ANKS1B: variants seen among roughly 807,000 people sequenced by gnomAD.
The protein encoded by ANKS1B is ankyrin repeat and sterile alpha motif domain containing 1B.
In ANKS1B, 36 loss-of-function variants were observed where a neutral mutation model predicts 148.3. The observed-to-expected ratio is 0.24, with a 90% CI of 0.19 to 0.32. The LOEUF (loss-of-function observed/expected upper bound fraction) is 0.32. Among genes scored for constraint, ANKS1B ranks in the 10% least tolerant of loss-of-function variants. The probability of loss-of-function intolerance (pLI) is 1.00; values close to 1 mark genes in which losing one functional copy is unlikely to be tolerated. For missense variants in ANKS1B, 1,157 were observed against 1,542.6 expected, an observed-to-expected ratio of 0.75 and a Z score of 4.19; for synonymous variants, 542 against 560.8, an observed-to-expected ratio of 0.97 and a Z score of 0.47.
intron 15 of ANKS1B, among the ~76,000 whole-genome samples, chr12:99,140,163 T>C (rs2070125261): frequency 6.6e-6 from 1 of 152,170 alleles, no homozygotes; most frequent in Non-Finnish European, 1.5e-5. Flanking sequence ...GGGAAAGTGC[T>C]AAGTGCAATC....
chr12:99,529,193 CA>C (rs1035762577), intron 9 of ANKS1B, among the ~76,000 whole-genome samples: 5 of 151,850 alleles, frequency 3.3e-5, no homozygotes, highest in African/African-American at 1.2e-4. Flanking sequence ...TACAAATCCT[CA>C]AAAAAAGACC....
intron 1 of ANKS1B, among the ~76,000 whole-genome samples, chr12:99,859,425 T>A (rs149880399): frequency 1.6e-3 from 246 of 152,302 alleles, no homozygotes; most frequent in African/African-American, 5.5e-3. Flanking sequence ...GACATATAAT[T>A]CTTTGAGGTA....
At chr12:99,553,919 C>T (rs532566543) in intron 9 of ANKS1B, among the ~76,000 whole-genome samples, 1 of 152,098 alleles carries the variant, frequency 6.6e-6, no homozygotes, top group Non-Finnish European at 1.5e-5. Flanking sequence ...AAATGAACCA[C>T]GATGGTCTAC....
intron 9 of ANKS1B, among the ~76,000 whole-genome samples, chr12:99,625,059 G>A (rs544981201): frequency 6.6e-6 from 1 of 152,156 alleles, no homozygotes; most frequent in Non-Finnish European, 1.5e-5. Flanking sequence ...GGGATACTAT[G>A]CAGCCATAAA....
chr12:99,352,508 T>G (rs911552622), intron 12 of ANKS1B, among the ~76,000 whole-genome samples: 4 of 152,046 alleles, frequency 2.6e-5, no homozygotes, highest in Non-Finnish European at 4.4e-5. Flanking sequence ...ACTACCTCAC[T>G]GCAGGCAACA....
intron 1 of ANKS1B, among the ~76,000 whole-genome samples, chr12:99,907,826 A>C (rs1239946026): frequency 6.6e-6 from 1 of 150,768 alleles, no homozygotes; most frequent in Non-Finnish European, 1.5e-5. Flanking sequence ...AAAAAAAAAA[A>C]AAAAAAAAAA....
At chr12:99,416,708 T>C (rs1304044625) in intron 11 of ANKS1B, among the ~76,000 whole-genome samples, 1 of 152,246 alleles carries the variant, frequency 6.6e-6, no homozygotes, top group Non-Finnish European at 1.5e-5. Context: ...TTTTATACTA[T>C]TGAGTTTTGA....
chr12:99,447,522 A>G (rs1457062218), intron 10 of ANKS1B, among the ~76,000 whole-genome samples: 1 of 152,074 alleles, frequency 6.6e-6, no homozygotes, highest in Non-Finnish European at 1.5e-5. Context: ...AAACACAGAG[A>G]AAAACCTCCA....
At position 98,832,064 on chromosome 12, in the gene ANKS1B, G is replaced by T. The variant is rs778854237; in HGVS notation, c.2851C>A (p.Pro951Thr). 2.5e-6 allele frequency: 4 copies of T among 1,598,294 alleles called. No individual in the cohort carries two copies. The South Asian group carries it at 4.6e-5, about 18-fold the overall frequency. ...ATGGACCGAGGGGGCTTCTGTGGGG[G>T]ATCGTCGTGCAGCCTGTCTCCCAGA... Reference protein sequence around the residue: ...ASLGDRLHDDPPQKPPRSITL... With the variant: ...ASLGDRLHDDTPQKPPRSITL... Residue 951 changes from proline (P) to threonine (T), a missense_variant, in exon 18 of 27, where the codon CCC (proline) becomes ACC (threonine). Around this residue, in one of 6 missense-constraint regions of ANKS1B, gnomAD observed 258 missense variants for 497.0 expected, o/e 0.52. Transcript: ENST00000683438.
chr12:99,125,499 A>G (rs975795448), intron 15 of ANKS1B, among the ~76,000 whole-genome samples: 1 of 152,202 alleles, frequency 6.6e-6, no homozygotes, highest in African/African-American at 2.4e-5. Context: ...AGAAGCCTAG[A>G]TTCAAGACCT....
At chr12:99,780,426 C>A (rs1601982157) in intron 5 of ANKS1B, among the ~76,000 whole-genome samples, 1 of 148,254 alleles carries the variant, frequency 6.7e-6, no homozygotes, top group Non-Finnish European at 1.5e-5. Context: ...CAGGTGCCCA[C>A]CACCATGCCC....
intron 12 of ANKS1B, among the ~76,000 whole-genome samples, chr12:99,378,266 T>G (rs1000457507): frequency 6.6e-6 from 1 of 152,160 alleles, no homozygotes; most frequent in Admixed American, 6.5e-5. Context: ...TAAAGAGATT[T>G]GTGACTGTGG....
intron 17 of ANKS1B, among the ~76,000 whole-genome samples, chr12:98,870,004 G>A (rs2099645075): frequency 6.6e-6 from 1 of 152,162 alleles, no homozygotes; most frequent in Non-Finnish European, 1.5e-5. Context: ...CACTTGGGGT[G>A]CAGTAGTTAA....
intron 8 of ANKS1B, among the ~76,000 whole-genome samples, chr12:99,731,413 C>CCTGT (rs1237223581): frequency 0.019 from 2,736 of 143,806 alleles, 40 homozygotes; most frequent in Non-Finnish European, 0.022. Flanking sequence ...ACCACCGTGC[C>CCTGT]GTGTGTGTGT....
Position 98,979,752 on chromosome 12 carries a change from C to T in ANKS1B, c.2778+73405G>A, listed in dbSNP as rs755353471. Among the ~76,000 whole-genome samples, 57 of 151,506 alleles carry T rather than the reference C, an allele frequency of 3.8e-4. 1 individual carries two copies. The highest frequency in any genetic ancestry group is 1.2e-3 in the East Asian group (6 of 5,162). On this transcript the variant is annotated intron_variant, in intron 17 of 26. Coordinates refer to ENST00000683438, the MANE Select transcript of ANKS1B (RefSeq NM_001352186.2). ...GCATATGTGTGTATGTGTGTGCGTGCGCTTATCTTGCTTGAGGTTTGTTGA... is the reference window on the plus strand; with the variant it reads ...GCATATGTGTGTATGTGTGTGCGTGTGCTTATCTTGCTTGAGGTTTGTTGA...
At chr12:99,969,625 A>G (rs1040677079) in intron 1 of ANKS1B, among the ~76,000 whole-genome samples, 8 of 152,232 alleles carry the variant, frequency 5.3e-5, no homozygotes, top group African/African-American at 1.9e-4. Flanking sequence ...AATAATATGA[A>G]ACTGATAAGC....
At chr12:98,739,246 C>T (rs2097786976), downstream of ANKS1B, among the ~76,000 whole-genome samples, 4 of 152,202 alleles carry the variant, frequency 2.6e-5, no homozygotes, top group African/African-American at 9.6e-5. Flanking sequence ...ATTCGTTACT[C>T]ACTTGCATCA....
At chr12:99,537,799 T>C (rs1302906975) in intron 9 of ANKS1B, among the ~76,000 whole-genome samples, 1 of 152,182 alleles carries the variant, frequency 6.6e-6, no homozygotes, top group Non-Finnish European at 1.5e-5. Flanking sequence ...TGGTTGTCTG[T>C]GCTTATGGTA....
intron 14 of ANKS1B, among the ~76,000 whole-genome samples, chr12:99,175,748 C>T (rs1219269564): frequency 6.6e-6 from 1 of 152,222 alleles, no homozygotes; most frequent in Non-Finnish European, 1.5e-5. Flanking sequence ...TGAAGAAGAG[C>T]AACAACAAAT....
Sources: gnomAD v4.1 joint callset for allele counts (sites outside exome capture counted in the v4.1 genomes callset) on GRCh38, gnomAD v4.1.1 for gene constraint, gnomAD v4.1.1 regional missense constraint, MANE v1.5 for transcripts, NCBI Gene and HGNC (gene_info 2026-07-23, HGNC 2026-07-21) for gene names.